The following GAS2 variants were observed in gnomAD, a reference collection of about 807,000 sequenced individuals.
GAS2 encodes growth arrest-specific protein 2.
Under a neutral mutation model 37.5 loss-of-function variants are expected in GAS2, and 20 were observed. The ratio of observed to expected loss-of-function variants is 0.53; its 90% CI spans 0.37 to 0.77. The LOEUF (loss-of-function observed/expected upper bound fraction) is 0.77, where lower values mean the gene tolerates loss of function less well. Ranked by LOEUF, GAS2 falls within the 30% of genes least tolerant of loss-of-function variation. The pLI, the probability that GAS2 is intolerant of heterozygous loss-of-function variation, is 0.00. For synonymous variants in GAS2, 144 were observed against 132.2 expected, an observed-to-expected ratio of 1.09 and a Z score of -0.61; for missense variants, 336 against 373.4, an observed-to-expected ratio of 0.90 and a Z score of 0.82.
chr11:22,645,384 T>C (rs1848676956), intron 1 of GAS2, among the ~76,000 whole-genome samples: 1 of 151,984 alleles, frequency 6.6e-6, no homozygotes, highest in Non-Finnish European at 1.5e-5. Context: ...AGCATGCGCC[T>C]GTAGCCCAGC....
chr11:22,797,912 T>C (rs1856504877), intron 7 of GAS2, among the ~76,000 whole-genome samples: 1 of 152,030 alleles, frequency 6.6e-6, no homozygotes, highest in African/African-American at 2.4e-5. Flanking sequence ...AAGGACTTCA[T>C]AAAATGGCAA....
intron 1 of GAS2, among the ~76,000 whole-genome samples, chr11:22,644,499 A>G (rs928516275): frequency 1.3e-5 from 2 of 152,218 alleles, no homozygotes; most frequent in African/African-American, 4.8e-5. Flanking sequence ...TTTGAAGTCA[A>G]AACTACTATA....
chr11:22,680,781 T>A (rs1252268197), intron 2 of GAS2, among the ~76,000 whole-genome samples: 1 of 152,156 alleles, frequency 6.6e-6, no homozygotes, highest in East Asian at 1.9e-4. Context: ...GAGAATGCAC[T>A]GTCATGGAAA....
intron 3 of GAS2, among the ~76,000 whole-genome samples, chr11:22,717,328 C>T (rs1173697804): frequency 6.6e-6 from 1 of 151,960 alleles, no homozygotes; most frequent in Non-Finnish European, 1.5e-5. Flanking sequence ...AATATATAAC[C>T]CATAAATAAA....
chr11:22,812,524 T>A lies in GAS2; in HGVS notation c.*508T>A, dbSNP rs1032854524. Reference sequence around the variant, plus strand: ...ACACATAAGTACAGAGTATTCACAATAGTAATATGTTACTGGAAAGGCCAC... The same window carrying A: ...ACACATAAGTACAGAGTATTCACAAAAGTAATATGTTACTGGAAAGGCCAC... On this transcript the variant is annotated 3_prime_UTR_variant, in exon 8 of 8. Transcript: ENST00000454584. 6.7e-6 allele frequency: 1 copy of A among 149,228 alleles called. No individual in the cohort carries two copies. Among genetic ancestry groups the A allele is most frequent in the African/African-American group, 2.5e-5 (1 of 40,242 alleles). The allele number at this position is 149,228 out of a possible 1,614,324, so 9.2% of individuals were successfully genotyped here. A position where few individuals can be genotyped will look rare whatever the true frequency, so the allele number is the denominator to read the frequency against.
intron 1 of GAS2, among the ~76,000 whole-genome samples, chr11:22,645,534 C>T (rs865866354): frequency 2.0e-5 from 3 of 151,792 alleles, no homozygotes; most frequent in Non-Finnish European, 2.9e-5. Flanking sequence ...CACACACACA[C>T]ATACATATAA....
intron 5 of GAS2, among the ~76,000 whole-genome samples, chr11:22,745,646 G>C (rs922981491): frequency 3.3e-5 from 5 of 151,996 alleles, no homozygotes; most frequent in African/African-American, 1.2e-4. Flanking sequence ...AAATTCAATG[G>C]AGTAAGAAGC....
chr11:22,690,675 T>C (rs545691113), intron 3 of GAS2, among the ~76,000 whole-genome samples: 3 of 152,286 alleles, frequency 2.0e-5, no homozygotes, highest in African/African-American at 7.2e-5. Flanking sequence ...TCTTTCAATA[T>C]TGTTTTAGGA....
At chr11:22,686,842 G>T (rs931820842) in intron 3 of GAS2, among the ~76,000 whole-genome samples, 3 of 151,966 alleles carry the variant, frequency 2.0e-5, no homozygotes, top group African/African-American at 2.4e-5. Context: ...AATAAAAGGG[G>T]TGTATGTGTG....
intron 7 of GAS2, among the ~76,000 whole-genome samples, chr11:22,762,821 A>G (rs866845778): frequency 7.2e-5 from 11 of 152,328 alleles, no homozygotes; most frequent in Middle Eastern, 6.8e-3. Context: ...ATTCTATAAT[A>G]AGACATATTG....
intron 3 of GAS2, among the ~76,000 whole-genome samples, chr11:22,709,039 A>G (rs441141): frequency 1 from 152,178 of 152,190 alleles, 76,083 homozygotes; most frequent in Middle Eastern, 1. Flanking sequence ...GACAGTGTGC[A>G]GGCTAATACA....
At chr11:22,777,254 A>G (rs1025033081) in intron 7 of GAS2, among the ~76,000 whole-genome samples, 1 of 152,152 alleles carries the variant, frequency 6.6e-6, no homozygotes, top group Non-Finnish European at 1.5e-5. Context: ...CCCTTGGTTG[A>G]TGCATGTGGA....
chr11:22,780,168 T>C (rs768245154), intron 7 of GAS2, among the ~76,000 whole-genome samples: 1 of 152,144 alleles, frequency 6.6e-6, no homozygotes, highest in Non-Finnish European at 1.5e-5. Flanking sequence ...TGGGGAACTC[T>C]GAAAAATAGA....
In GAS2 at chr11:22,631,267, A is replaced by G. The variant is rs1361086787; in HGVS notation, c.-21+5454A>G. The stretch of plus-strand genomic sequence containing the variant: ...GGTTTCCTAGGTATATTATCGCATC[A>G]TCAGCAAACAGAGATAGTTTGACTC... On this transcript the variant is annotated intron_variant, in intron 1 of 5. Transcript: ENST00000528582. Among the ~76,000 whole-genome samples the G allele has an allele frequency of 2.0e-5, 3 of 152,168 alleles. No homozygotes were observed. In the East Asian group the frequency reaches 5.8e-4, roughly 29 times the overall value.
intron 7 of GAS2, among the ~76,000 whole-genome samples, chr11:22,788,797 A>G (rs1443402407): frequency 1.3e-5 from 2 of 152,184 alleles, no homozygotes; most frequent in African/African-American, 4.8e-5. Context: ...GTGATTAAAT[A>G]ATTTACTATC....
At chr11:22,796,785 T>C (rs1011316410) in intron 7 of GAS2, among the ~76,000 whole-genome samples, 6 of 152,066 alleles carry the variant, frequency 3.9e-5, no homozygotes, top group Non-Finnish European at 4.4e-5. Context: ...CTAGCCTGTT[T>C]GTTGGATTTT....
chr11:22,762,341 A>G (rs1396953417), intron 7 of GAS2, among the ~76,000 whole-genome samples: 1 of 152,130 alleles, frequency 6.6e-6, no homozygotes, highest in Non-Finnish European at 1.5e-5. Context: ...TATTTATATC[A>G]CAGGATTCTT....
rs1041336876 is a variant in GAS2, at chr11:22,695,371, C to T, written c.267+9582C>T. 2.7e-4 allele frequency among the ~76,000 whole-genome samples: 41 copies of T among 152,054 alleles called. 1 individual carries two copies. The highest frequency in any genetic ancestry group is 8.7e-4 in the African/African-American group (36 of 41,498). ...TCTGTGGCTAGCTGAGATTTAAGGA[C>T]AGAGCCATTGTTTCAGAACTGTCCA... On this transcript the variant is annotated intron_variant, in intron 3 of 7. Transcript: ENST00000454584.
In GAS2 at chr11:22,788,946, G is replaced by A. The variant is rs150085795; in HGVS notation, c.724-22852G>A. ...TCCATATCACAGTGTCTACCAATTA[G>A]GTAATTACTCAGTAATTATTAATTA... On this transcript the variant is annotated intron_variant, in intron 7 of 7. Coordinates refer to ENST00000454584, the MANE Select transcript of GAS2 (RefSeq NM_001143830.3). 6.4e-3 allele frequency among the ~76,000 whole-genome samples: 972 copies of A among 151,850 alleles called. 8 individuals carry two copies. Among genetic ancestry groups the A allele is most frequent in the African/African-American group, 0.022 (918 of 41,422 alleles).
Sources: gnomAD v4.1 joint callset for allele counts (sites outside exome capture counted in the v4.1 genomes callset) on GRCh38, gnomAD v4.1.1 for gene constraint, MANE v1.5 for transcripts, NCBI Gene and HGNC (gene_info 2026-07-23, HGNC 2026-07-21) for gene names.